KSR2: variants seen among roughly 807,000 people sequenced by gnomAD.
KSR2 encodes kinase suppressor of ras 2.
In KSR2, 25 loss-of-function variants were observed where a neutral mutation model predicts 107.8. That is an observed-to-expected ratio of 0.23 (90% CI 0.17 to 0.32). The LOEUF (loss-of-function observed/expected upper bound fraction) is 0.32. KSR2 is among the 10% of genes least tolerant of loss of function. The pLI is 1.00. For missense variants in KSR2, 887 were observed against 1,268.9 expected (o/e 0.70, Z 4.57); for synonymous variants, 480 against 507.0 (o/e 0.95, Z 0.71).
At chr12:117,704,075 A>G (rs1886428374) in intron 4 of KSR2, among the ~76,000 whole-genome samples, 2 of 152,078 alleles carry the variant, frequency 1.3e-5, no homozygotes, top group Admixed American at 6.5e-5. Context: ...AAGACCTATA[A>G]TCTTCAAGAT....
At chr12:117,651,509 T>G (rs965801602) in intron 5 of KSR2, among the ~76,000 whole-genome samples, 3 of 152,178 alleles carry the variant, frequency 2.0e-5, no homozygotes, top group African/African-American at 7.2e-5. Flanking sequence ...CAGAGTTGGA[T>G]CAGGCTGAAT....
At chr12:117,747,729 T>C (rs1456927870) in intron 4 of KSR2, among the ~76,000 whole-genome samples, 1 of 152,148 alleles carries the variant, frequency 6.6e-6, no homozygotes, top group Non-Finnish European at 1.5e-5. Context: ...CATCGAGGAA[T>C]TGCAAATTAA....
intron 3 of KSR2, among the ~76,000 whole-genome samples, chr12:117,836,217 T>G (rs1467798523): frequency 5.3e-5 from 8 of 152,096 alleles, no homozygotes; most frequent in Non-Finnish European, 1.2e-4. Flanking sequence ...TAGGGCCTGA[T>G]GGAAGTCACA....
At chr12:117,812,064 G>A (rs1429368014) in intron 3 of KSR2, among the ~76,000 whole-genome samples, 1 of 147,442 alleles carries the variant, frequency 6.8e-6, no homozygotes, top group African/African-American at 2.5e-5. Flanking sequence ...AAAAAAATAA[G>A]GTCCCAATGT....
rs761800802 is a variant in KSR2 at position 117,607,840 on chromosome 12, A to C, written c.1172-25481T>G. 9.2e-4 allele frequency among the ~76,000 whole-genome samples: 140 copies of C among 152,310 alleles called. 2 individuals are homozygous for C. Among genetic ancestry groups the C allele is most frequent in the South Asian group, 1.0e-3 (5 of 4,826 alleles). ...AGGAGGGCACAGGGTTTCTGACACC[A>C]CTGGTGCCCTTTTGGAGACAGCAGG... On this transcript the variant is annotated intron_variant, in intron 5 of 19. Transcript: ENST00000339824.
intron 4 of KSR2, among the ~76,000 whole-genome samples, chr12:117,726,193 T>A (rs932698150): frequency 2.0e-5 from 3 of 151,612 alleles, no homozygotes; most frequent in Non-Finnish European, 4.4e-5. Flanking sequence ...TAAAATAAAA[T>A]AAAAATTTTT....
chr12:117,709,172 G>C (rs1886651634), intron 4 of KSR2, among the ~76,000 whole-genome samples: 1 of 152,002 alleles, frequency 6.6e-6, no homozygotes, highest in Admixed American at 6.6e-5. Context: ...GACATCTTTG[G>C]GGGAGCTGTT....
At chr12:117,713,511 G>A (rs372820221) in intron 4 of KSR2, among the ~76,000 whole-genome samples, 21 of 152,312 alleles carry the variant, frequency 1.4e-4, no homozygotes, top group South Asian at 1.2e-3. Context: ...TAAGAGCAAT[G>A]ACTTTGGGAC....
intron 14 of KSR2, among the ~76,000 whole-genome samples, 177 bp from the exon 15 acceptor site, chr12:117,485,868 G>A (rs1872434378): frequency 6.6e-6 from 1 of 152,218 alleles, no homozygotes; most frequent in Non-Finnish European, 1.5e-5. Context: ...AGATCTGGGA[G>A]GAAGTTCTTG....
At chr12:117,645,524 C>A (rs577812759) in intron 5 of KSR2, among the ~76,000 whole-genome samples, 1 of 152,146 alleles carries the variant, frequency 6.6e-6, no homozygotes, top group Non-Finnish European at 1.5e-5. Flanking sequence ...TCACTATAGA[C>A]CCCTGAATCC....
chr12:117,717,993 G>A (rs2136677852), intron 4 of KSR2, among the ~76,000 whole-genome samples: 1 of 152,254 alleles, frequency 6.6e-6, no homozygotes, highest in East Asian at 1.9e-4. Flanking sequence ...TCCAACATTT[G>A]TGTAAGCACC....
At chr12:117,950,437 C>T (rs1302232696) in intron 1 of KSR2, among the ~76,000 whole-genome samples, 1 of 152,018 alleles carries the variant, frequency 6.6e-6, no homozygotes, top group African/African-American at 2.4e-5. Context: ...TGTTTGAAAT[C>T]TTACATAAAT....
chr12:117,844,913 G>A (rs180902881), intron 3 of KSR2, among the ~76,000 whole-genome samples: 171 of 152,276 alleles, frequency 1.1e-3, no homozygotes, highest in African/African-American at 2.9e-3. Flanking sequence ...TTGGGAGGCC[G>A]AGGCAGGTGG....
In KSR2 at chr12:117,637,659, C is replaced by G. The variant is rs1883161379; in HGVS notation, c.1171+29815G>C. Among the ~76,000 whole-genome samples, 4 of 137,168 alleles carry G rather than the reference C, an allele frequency of 2.9e-5. No individual in the cohort carries two copies. In the Admixed American group the frequency reaches 3.0e-4, roughly 10 times the overall value. 90.0% of individuals were successfully genotyped at this position (137,168 alleles called of 152,430 possible). A position where few individuals can be genotyped will look rare whatever the true frequency, so the allele number is the denominator to read the frequency against. ...GATTCAAGAGGCTAGAAATGGGACC[C>G]AGCAGTCAGTTTTGGGTTTTTTTTT... On this transcript the variant is annotated intron_variant, in intron 5 of 19. Coordinates refer to ENST00000339824, the MANE Select transcript of KSR2 (RefSeq NM_173598.6).
At chr12:117,529,356 C>G (rs1311942593) in intron 12 of KSR2, among the ~76,000 whole-genome samples, 2 of 152,178 alleles carry the variant, frequency 1.3e-5, no homozygotes, top group Non-Finnish European at 2.9e-5. Context: ...GCTGCGATTA[C>G]AGTTGTGTGC....
intron 3 of KSR2, among the ~76,000 whole-genome samples, chr12:117,815,868 G>A (rs575618622): frequency 4.6e-5 from 7 of 152,086 alleles, no homozygotes; most frequent in East Asian, 3.9e-4. Flanking sequence ...CCAGCTACTC[G>A]GGAGGCTGAG....
intron 4 of KSR2, among the ~76,000 whole-genome samples, chr12:117,751,656 G>C (rs1888616268): frequency 6.6e-6 from 1 of 152,196 alleles, no homozygotes; most frequent in South Asian, 2.1e-4. Context: ...TGAAGATAGA[G>C]TTTTTACAAC....
intron 3 of KSR2, among the ~76,000 whole-genome samples, chr12:117,816,814 C>T (rs549164506): frequency 5.3e-5 from 8 of 152,294 alleles, no homozygotes; most frequent in Admixed American, 5.2e-4. Flanking sequence ...GATCATCACC[C>T]CCATTTTGCA....
intron 1 of KSR2, among the ~76,000 whole-genome samples, chr12:117,888,163 T>C (rs975058090): frequency 2.6e-5 from 4 of 152,238 alleles, no homozygotes; most frequent in African/African-American, 9.6e-5. Context: ...AGTTTTCATT[T>C]AGATATTTGA....
Sources: allele counts gnomAD v4.1 joint callset (sites outside exome capture counted in the v4.1 genomes callset), GRCh38; gene constraint gnomAD v4.1.1; transcripts MANE v1.5; gene names NCBI Gene and HGNC (gene_info 2026-07-23, HGNC 2026-07-21).